CFI: variants seen among roughly 807,000 people sequenced by gnomAD.
The protein encoded by CFI is C3B/C4B inactivator.
In CFI, 66 loss-of-function variants were observed where a neutral mutation model predicts 78.8. The ratio of observed to expected loss-of-function variants is 0.84; its 90% confidence interval spans 0.69 to 1.03. The LOEUF is 1.03. Among genes scored for constraint, CFI ranks in the 50% least tolerant of loss-of-function variants. The pLI is 0.00. For synonymous variants in CFI, 250 were observed against 232.6 expected (o/e 1.07, Z -0.68); for missense variants, 706 against 704.5 (o/e 1.00, Z -0.02).
At chr4:109,783,738 C>T (rs1018666229) in intron 1 of CFI, among the ~76,000 whole-genome samples, 18 of 150,272 alleles carry the variant, frequency 1.2e-4, no homozygotes, top group East Asian at 9.7e-4. Flanking sequence ...TGTTTATGGC[C>T]GCACAATTTA....
At chr4:109,768,050 C>T (rs950662437) in intron 1 of CFI, among the ~76,000 whole-genome samples, 1 of 145,706 alleles carries the variant, frequency 6.9e-6, no homozygotes, top group Non-Finnish European at 1.5e-5. Flanking sequence ...CCAAACACCA[C>T]ATCGTCTCAC....
rs372171480 is a variant in CFI, at chr4:109,753,063, T to TAAAC, written c.905-561_905-560insGTTT. On this transcript the variant is annotated intron_variant, in intron 7 of 12. Transcript: ENST00000394634. ...TATATATTTATTATATATTTATATA[T>TAAAC]AAATAAATATTTATAATATATATTT... 4.1e-4 allele frequency among the ~76,000 whole-genome samples: 9 copies of TAAAC among 22,178 alleles called. No homozygotes were observed. In the South Asian group the frequency reaches 9.3e-3, roughly 23 times the overall value. 14.5% of individuals were successfully genotyped at this position (22,178 alleles called of 152,430 possible).
At chr4:109,731,768 C>T in the CFI span, among the ~76,000 whole-genome samples, 22 of 152,338 alleles carry the variant, frequency 1.4e-4, no homozygotes, top group East Asian at 4.2e-3. Context: ...TTATTATCTT[C>T]CTCTTTTACA....
intron 10 of CFI, among the ~76,000 whole-genome samples, chr4:109,747,776 G>C (rs1246368250): frequency 6.6e-6 from 1 of 152,072 alleles, no homozygotes; most frequent in African/African-American, 2.4e-5. Context: ...TTTTTCCATG[G>C]AACTGTGGAA....
intron 1 of CFI, among the ~76,000 whole-genome samples, chr4:109,790,003 T>C (rs1051202391): frequency 3.3e-5 from 5 of 152,078 alleles, no homozygotes; most frequent in Admixed American, 2.6e-4. Context: ...TTGCTATAGG[T>C]CTGTTCAGAT....
chr4:109,790,084 T>A (rs577545183), intron 1 of CFI, among the ~76,000 whole-genome samples: 28 of 152,206 alleles, frequency 1.8e-4, no homozygotes, highest in Admixed American at 3.3e-4. Context: ...TTCTAGGTTA[T>A]CTAATTTGCT....
Position 109,767,419 on chromosome 4 carries a change from T to C in CFI, c.58-595A>G, listed in dbSNP as rs535172030. Among the ~76,000 whole-genome samples, 6 of 150,728 alleles carry C rather than the reference T, an allele frequency of 4.0e-5. No homozygotes were observed. The South Asian group carries it at 8.4e-4, about 21-fold the overall frequency. On this transcript the variant is annotated intron_variant, in intron 1 of 12. Transcript: ENST00000394634. ...CTAATATCCAGAATCTACAATGAAC[T>C]CAAACAAATTTACAAGAAAAAAACA...
intron 2 of CFI, among the ~76,000 whole-genome samples, chr4:109,765,806 G>C (rs1310916348): frequency 6.6e-6 from 1 of 152,056 alleles, no homozygotes; most frequent in South Asian, 2.1e-4. Context: ...AGGGTTGGGG[G>C]GGACGGCTGT....
chr4:109,754,871 T>C (rs1380235086), intron 7 of CFI, among the ~76,000 whole-genome samples: 1 of 152,118 alleles, frequency 6.6e-6, no homozygotes, highest in Non-Finnish European at 1.5e-5. Flanking sequence ...CAGCACTAAC[T>C]TGATTTAATA....
chr4:109,780,787 A>C (rs1009801814), intron 1 of CFI, among the ~76,000 whole-genome samples: 9 of 152,180 alleles, frequency 5.9e-5, no homozygotes, highest in Non-Finnish European at 1.0e-4. Flanking sequence ...GAAAACGTGG[A>C]ACATATACAC....
In CFI at chr4:109,766,469, CAAG is replaced by C. The variant is rs1727759761; in HGVS notation, c.328+82_328+84del. 6.0e-6 allele frequency: 9 copies of C among 1,511,230 alleles called. No homozygotes were observed. In the South Asian group the frequency reaches 1.0e-4, roughly 17 times the overall value. The allele number at this position is 1,511,230 out of a possible 1,614,324, so 93.6% of individuals were successfully genotyped here. On this transcript the variant is annotated intron_variant, in intron 2 of 12. Coordinates refer to ENST00000394634, the MANE Select transcript of CFI (RefSeq NM_000204.5). ...TTTTGAGTTGTCATCATAACATACA[CAAG>C]AGAATTATTTTCTGATAGAAAGTAT... is the stretch of plus-strand genomic sequence containing the variant.
chr4:109,778,862 C>T, intron 1 of CFI, among the ~76,000 whole-genome samples: 1 of 152,164 alleles, frequency 6.6e-6, no homozygotes, highest in South Asian at 2.1e-4. Context: ...ATCATATAAA[C>T]AGAACCAAAG....
intron 1 of CFI, chr4:109,793,961 T>C (rs1209887550): frequency 9.9e-5 from 15 of 152,230 alleles, no homozygotes; most frequent in Admixed American, 9.8e-4. Flanking sequence ...GGTTGACAGT[T>C]TTTTACTTTC....
chr4:109,754,817 T>C (rs1001729253), intron 7 of CFI, among the ~76,000 whole-genome samples: 6 of 152,170 alleles, frequency 3.9e-5, no homozygotes, highest in Non-Finnish European at 1.5e-5. Context: ...CAAAGGAAGA[T>C]GAGAAAGTCC....
chr4:109,757,726 A>AT, intron 7 of CFI, 37 bp downstream of exon 7: 2 of 1,333,400 alleles, frequency 1.5e-6, no homozygotes, highest in Non-Finnish European at 2.1e-6. Context: ...TTTTGTTTCA[A>AT]TTTTTTAATA....
intron 1 of CFI, among the ~76,000 whole-genome samples, chr4:109,768,156 T>C (rs1374334353): frequency 6.9e-6 from 1 of 144,730 alleles, no homozygotes; most frequent in Non-Finnish European, 1.5e-5. Flanking sequence ...GGGGGAAGGA[T>C]AGCATTTGGA....
At chr4:109,781,603 C>T (rs1413486453) in intron 1 of CFI, among the ~76,000 whole-genome samples, 1 of 152,082 alleles carries the variant, frequency 6.6e-6, no homozygotes, top group Non-Finnish European at 1.5e-5. Context: ...TGTACCTATC[C>T]TTTTGACACT....
chr4:109,745,807 C>T (rs747250906), intron 11 of CFI, among the ~76,000 whole-genome samples: 5 of 152,122 alleles, frequency 3.3e-5, no homozygotes, highest in Non-Finnish European at 7.3e-5. Flanking sequence ...ACAGTCCATG[C>T]TGTATGTCTC....
chr4:109,754,897 T>C (rs1725939206), intron 7 of CFI, among the ~76,000 whole-genome samples: 1 of 152,182 alleles, frequency 6.6e-6, no homozygotes, highest in Non-Finnish European at 1.5e-5. Flanking sequence ...AAAGCTGAGG[T>C]GTACTAGGTA....
Sources: allele counts gnomAD v4.1 joint callset (sites outside exome capture counted in the v4.1 genomes callset), GRCh38; gene constraint gnomAD v4.1.1; transcripts MANE v1.5; gene names NCBI Gene and HGNC (gene_info 2026-07-23, HGNC 2026-07-21).